The following SPIDR variants were observed in gnomAD, a reference collection of about 807,000 sequenced individuals.
SPIDR encodes DNA repair-scaffolding protein.
Under a neutral mutation model 104.6 loss-of-function variants are expected in SPIDR, and 93 were observed. The observed-to-expected ratio is 0.89, with a 90% CI of 0.75 to 1.06. The LOEUF (loss-of-function observed/expected upper bound fraction) is 1.06, where lower values mean the gene tolerates loss of function less well. Among genes scored for constraint, SPIDR ranks in the 50% least tolerant of loss-of-function variants. The pLI is 0.00. For missense variants in SPIDR, 1,154 were observed against 1,111.2 expected, an observed-to-expected ratio of 1.04 and a Z score of -0.55; for synonymous variants, 431 against 416.9, an observed-to-expected ratio of 1.03 and a Z score of -0.41.
intron 3 of SPIDR, 116 bp downstream of exon 3, chr8:47,284,210 A>G (rs2038363232): frequency 7.0e-6 from 5 of 710,204 alleles, no homozygotes; most frequent in African/African-American, 3.6e-5. Flanking sequence ...GACTATATTC[A>G]TAGTTAAAAA....
intron 16 of SPIDR, among the ~76,000 whole-genome samples, chr8:47,723,344 A>T (rs557915741): frequency 1.3e-5 from 2 of 150,294 alleles, no homozygotes; most frequent in African/African-American, 4.9e-5. Flanking sequence ...TTGTTTCTTT[A>T]TCTTCCACTC....
At chr8:47,301,288 C>G (rs1753222191) in intron 5 of SPIDR, among the ~76,000 whole-genome samples, 5 of 151,794 alleles carry the variant, frequency 3.3e-5, no homozygotes, top group African/African-American at 1.2e-4. Flanking sequence ...TTTTTGTTTT[C>G]CATTTCCTTG....
At chr8:47,269,573 A>G (rs2034850022) in intron 1 of SPIDR, among the ~76,000 whole-genome samples, 1 of 151,784 alleles carries the variant, frequency 6.6e-6, no homozygotes, top group Non-Finnish European at 1.5e-5. Flanking sequence ...TCTCTTAAAA[A>G]AAAAAAAAAA....
At chr8:47,363,789 G>T (rs1554632282) in intron 5 of SPIDR, among the ~76,000 whole-genome samples, 1 of 151,674 alleles carries the variant, frequency 6.6e-6, no homozygotes, top group African/African-American at 2.4e-5. Context: ...AGTTAGGAGG[G>T]TGTGGTGGCC....
At chr8:47,476,309 C>T (rs571666380) in intron 8 of SPIDR, among the ~76,000 whole-genome samples, 3 of 152,198 alleles carry the variant, frequency 2.0e-5, no homozygotes, top group African/African-American at 4.8e-5. Context: ...AGTTTGTGAT[C>T]GAGATTGGAC....
intron 7 of SPIDR, among the ~76,000 whole-genome samples, chr8:47,415,861 A>T (rs1588413234): frequency 6.6e-6 from 1 of 152,148 alleles, no homozygotes; most frequent in African/African-American, 2.4e-5. Flanking sequence ...AGGGTCCATC[A>T]CCCCAAGGAT....
intron 8 of SPIDR, among the ~76,000 whole-genome samples, chr8:47,512,324 T>C (rs1285196414): frequency 6.6e-6 from 1 of 152,182 alleles, no homozygotes; most frequent in Non-Finnish European, 1.5e-5. Flanking sequence ...TCACCCTGTC[T>C]ACACACTGTT....
chr8:47,645,505 G>C (rs1231981798), intron 10 of SPIDR, among the ~76,000 whole-genome samples: 3 of 152,112 alleles, frequency 2.0e-5, no homozygotes, highest in Admixed American at 6.5e-5. Flanking sequence ...CCGTGGAGGA[G>C]AGAGGTAAGC....
intron 10 of SPIDR, chr8:47,654,282 C>A: frequency 1.4e-6 from 1 of 726,336 alleles, no homozygotes; most frequent in Non-Finnish European, 2.1e-6. Flanking sequence ...ATGTAGGTGG[C>A]AGGAAGGGCC....
chr8:47,485,564 T>A (rs1418165941), intron 8 of SPIDR, among the ~76,000 whole-genome samples: 2 of 152,158 alleles, frequency 1.3e-5, no homozygotes, highest in African/African-American at 4.8e-5. Flanking sequence ...CTCAAGTGGG[T>A]CCTTGACCCC....
At chr8:47,352,375 G>C (rs1250412634) in intron 5 of SPIDR, among the ~76,000 whole-genome samples, 1 of 152,110 alleles carries the variant, frequency 6.6e-6, no homozygotes, top group Non-Finnish European at 1.5e-5. Context: ...ACAGTTAAAG[G>C]CTTTATATGT....
intron 10 of SPIDR, among the ~76,000 whole-genome samples, chr8:47,651,463 G>A (rs2071610192): frequency 6.6e-6 from 1 of 152,102 alleles, no homozygotes; most frequent in Non-Finnish European, 1.5e-5. Flanking sequence ...ATACTGGAAC[G>A]GACGTGGTGA....
At chr8:47,538,314 G>A (rs2087336320) in intron 8 of SPIDR, among the ~76,000 whole-genome samples, 1 of 152,070 alleles carries the variant, frequency 6.6e-6, no homozygotes, top group Admixed American at 6.6e-5. Flanking sequence ...GAAGGCCAAG[G>A]CAATAGATCA....
intron 5 of SPIDR, chr8:47,388,607 G>C (rs1472887319): frequency 6.5e-6 from 1 of 153,588 alleles, no homozygotes; most frequent in Non-Finnish European, 1.5e-5. Context: ...AAAAAAATCT[G>C]ATTGGCTTAG....
In SPIDR at chr8:47,569,872, C is replaced by T. The variant is rs570473576; in HGVS notation, c.1098-25939C>T. On this transcript the variant is annotated intron_variant, in intron 8 of 19. Coordinates refer to ENST00000297423, the MANE Select transcript of SPIDR (RefSeq NM_001080394.4). The stretch of plus-strand genomic sequence containing the variant: ...TGAACAATCTGAAAATGAAATTAAA[C>T]CAATTTTATTTACAGTGGCACCAAA... 2.6e-5 allele frequency among the ~76,000 whole-genome samples: 4 copies of T among 152,160 alleles called. No homozygotes were observed. In the South Asian group the frequency reaches 8.3e-4, roughly 32 times the overall value.
intron 8 of SPIDR, among the ~76,000 whole-genome samples, chr8:47,523,825 A>C (rs1414161485): frequency 6.6e-6 from 1 of 152,244 alleles, no homozygotes; most frequent in Non-Finnish European, 1.5e-5. Context: ...GCACCATTAC[A>C]TAACCCAGTT....
intron 10 of SPIDR, among the ~76,000 whole-genome samples, chr8:47,649,320 G>C (rs2071163736): frequency 6.6e-6 from 1 of 150,814 alleles, no homozygotes; most frequent in African/African-American, 2.4e-5. Context: ...TTTTACCAAT[G>C]ATAGATCAAC....
At chr8:47,369,347 TA>T (rs2057688925) in intron 5 of SPIDR, among the ~76,000 whole-genome samples, 1 of 152,268 alleles carries the variant, frequency 6.6e-6, no homozygotes, top group African/African-American at 2.4e-5. Flanking sequence ...TTTGAATTTA[TA>T]ATTAATGACA....
intron 7 of SPIDR, among the ~76,000 whole-genome samples, chr8:47,437,160 T>C (rs868918849): frequency 1.1e-4 from 17 of 152,168 alleles, no homozygotes; most frequent in South Asian, 4.2e-4. Context: ...TAGTTACATA[T>C]GTATACATGT....
Sources: gnomAD v4.1 joint callset for allele counts (sites outside exome capture counted in the v4.1 genomes callset) on GRCh38, gnomAD v4.1.1 for gene constraint, MANE v1.5 for transcripts, NCBI Gene and HGNC (gene_info 2026-07-23, HGNC 2026-07-21) for gene names.